Variants in SLC4A10 observed in about 807,000 individuals in gnomAD.
SLC4A10 encodes sodium-driven chloride bicarbonate exchanger.
A neutral mutation model predicts 137.7 loss-of-function variants in SLC4A10; 42 were observed. The observed-to-expected ratio is 0.30, with a 90% CI of 0.24 to 0.39. The LOEUF (loss-of-function observed/expected upper bound fraction) is 0.39. Ranked by LOEUF, SLC4A10 falls within the 10% of genes least tolerant of loss-of-function variation. The probability of loss-of-function intolerance (pLI) is 1.00; values close to 1 mark genes in which losing one functional copy is unlikely to be tolerated. For synonymous variants in SLC4A10, 474 were observed against 464.1 expected, an observed-to-expected ratio of 1.02 and a Z score of -0.27; for missense variants, 925 against 1,355.0, an observed-to-expected ratio of 0.68 and a Z score of 4.98.
intron 15 of SLC4A10, among the ~76,000 whole-genome samples, chr2:161,926,824 G>T (rs1467990970): frequency 7.4e-5 from 11 of 148,810 alleles, no homozygotes; most frequent in African/African-American, 2.7e-4. Flanking sequence ...ATGAAGCTTA[G>T]TTTGGCTGGA....
At chr2:161,963,629 G>A (rs1406259678) in intron 21 of SLC4A10, among the ~76,000 whole-genome samples, 1 of 152,144 alleles carries the variant, frequency 6.6e-6, no homozygotes, top group Non-Finnish European at 1.5e-5. Context: ...AGCTGGATAA[G>A]GGTCTAGAAC....
chr2:161,653,461 C>G (rs1242180313), intron 1 of SLC4A10, among the ~76,000 whole-genome samples: 1 of 152,166 alleles, frequency 6.6e-6, no homozygotes, highest in Non-Finnish European at 1.5e-5. Flanking sequence ...TTTACACTCC[C>G]AACAGTGTAA....
intron 3 of SLC4A10, among the ~76,000 whole-genome samples, chr2:161,809,665 T>C (rs1471442179): frequency 6.6e-6 from 1 of 152,120 alleles, no homozygotes; most frequent in Admixed American, 6.6e-5. Context: ...TTGGTGACTT[T>C]GTTGAAGAGC....
intron 12 of SLC4A10, 41 bp downstream of exon 12, chr2:161,901,052 G>A (rs1016016483): frequency 6.5e-5 from 90 of 1,376,166 alleles, no homozygotes; most frequent in Non-Finnish European, 8.8e-5. Flanking sequence ...AGGACCAAAT[G>A]ACATACCATT....
Position 161,947,722 on chromosome 2 carries a change from A to G in SLC4A10, c.2260A>G (p.Thr754Ala). 6.2e-7 allele frequency: 1 copy of G among 1,611,614 alleles called. No homozygotes were observed. The highest frequency in any genetic ancestry group is 8.5e-7 in the Non-Finnish European group (1 of 1,178,800). The change falls in exon 17 of 27, where the codon ACC (threonine) becomes GCC (alanine). Residue 754 changes from threonine to alanine, a missense_variant. By Grantham distance (58) the Thr-to-Ala change is moderately conservative. Coordinates refer to ENST00000446997, the MANE Select transcript of SLC4A10 (RefSeq NM_001178015.2). Reference protein sequence around the residue: ...KQFKTSRYFPTKVRSIVSDFA... With the variant: ...KQFKTSRYFPAKVRSIVSDFA... ...GTTCAAGACTAGCAGATATTTTCCAACCAAGGTACTTAGACTATTTCTTGA... is the reference window on the plus strand; with the variant it reads ...GTTCAAGACTAGCAGATATTTTCCAGCCAAGGTACTTAGACTATTTCTTGA...
chr2:161,731,275 C>T (rs1224931162), intron 1 of SLC4A10, among the ~76,000 whole-genome samples: 1 of 151,968 alleles, frequency 6.6e-6, no homozygotes, highest in Non-Finnish European at 1.5e-5. Context: ...ATATTTTCCT[C>T]TATTTTTTTA....
intron 4 of SLC4A10, among the ~76,000 whole-genome samples, chr2:161,840,161 C>A (rs959109787): frequency 1.3e-5 from 2 of 152,142 alleles, no homozygotes; most frequent in Non-Finnish European, 2.9e-5. Flanking sequence ...TAAAGATAAA[C>A]AGTAACATAA....
chr2:161,640,657 C>T (rs4107579), intron 1 of SLC4A10, among the ~76,000 whole-genome samples: 14,509 of 61,470 alleles, frequency 0.24, 408 homozygotes, highest in Middle Eastern at 0.32. Flanking sequence ...TCCTTCCTTC[C>T]TTCTTTCTTT....
intron 2 of SLC4A10, among the ~76,000 whole-genome samples, chr2:161,784,503 A>G (rs1370078088): frequency 6.6e-6 from 1 of 151,924 alleles, no homozygotes; most frequent in South Asian, 2.1e-4. Context: ...TTAAGCTGAA[A>G]AGTATGTTTT....
chr2:161,637,111 GTATATATATC>G (rs1277396018), intron 1 of SLC4A10, among the ~76,000 whole-genome samples: 70 of 122,576 alleles, frequency 5.7e-4, no homozygotes, highest in African/African-American at 1.9e-3. Context: ...ACGTATTTAT[GTATATATATC>G]TATATACATA....
At position 161,804,456 on chromosome 2, in the gene SLC4A10, A is replaced by G. The variant is rs2055704215; in HGVS notation, c.138A>G (p.Arg46=). 1 of 1,611,418 alleles carries G rather than the reference A, an allele frequency of 6.2e-7. No homozygotes were observed. The highest frequency in any genetic ancestry group is 1.3e-5 in the African/African-American group (1 of 74,980). Residue 46 remains arginine, a synonymous_variant, in exon 3 of 27, where the codon CGA becomes CGG. Transcript: ENST00000446997. ...HFEKEDLEGH[R]TLFIGVHVPL... is the part of the protein sequence containing the mutation. The stretch of plus-strand genomic sequence containing the variant: ...GTTTGCTTCCTTATGAAGGTCATCG[A>G]ACACTATTTATTGGAGTACATGTGC...
At chr2:161,761,589 A>G (rs1418689691) in intron 1 of SLC4A10, among the ~76,000 whole-genome samples, 8 of 152,072 alleles carry the variant, frequency 5.3e-5, no homozygotes, top group Non-Finnish European at 1.0e-4. Flanking sequence ...ACCAGCAGGC[A>G]AAAATGCAGG....
chr2:161,963,003 C>A (rs1400374843), intron 21 of SLC4A10, among the ~76,000 whole-genome samples: 1 of 152,000 alleles, frequency 6.6e-6, no homozygotes, highest in Non-Finnish European at 1.5e-5. Flanking sequence ...GTAGAGATGG[C>A]ATGAAATAAA....
chr2:161,973,226 G>A (rs1035817161), intron 23 of SLC4A10, among the ~76,000 whole-genome samples: 5 of 152,134 alleles, frequency 3.3e-5, no homozygotes, highest in African/African-American at 1.2e-4. Flanking sequence ...TCTGGGGTTA[G>A]AACCAATAAT....
Position 161,972,969 on chromosome 2 carries a change from T to C in SLC4A10, c.3160-1280T>C, listed in dbSNP as rs565291154. 4.2e-3 allele frequency among the ~76,000 whole-genome samples: 644 copies of C among 152,306 alleles called. 6 individuals are homozygous for C. Among genetic ancestry groups the C allele is most frequent in the African/African-American group, 0.015 (603 of 41,568 alleles). ...GAAATGTGGCATGGAATATTCAGACTATGGGATATCTGAGAGCGGGCCAAG... is the reference window on the plus strand; with the variant it reads ...GAAATGTGGCATGGAATATTCAGACCATGGGATATCTGAGAGCGGGCCAAG... On this transcript the variant is annotated intron_variant, in intron 23 of 26. Coordinates refer to ENST00000446997, the MANE Select transcript of SLC4A10 (RefSeq NM_001178015.2).
chr2:161,729,853 G>A (rs931281221), intron 1 of SLC4A10, among the ~76,000 whole-genome samples: 13 of 152,176 alleles, frequency 8.5e-5, no homozygotes, highest in Non-Finnish European at 1.8e-4. Flanking sequence ...GATGAGAAGT[G>A]ACTTATTTGA....
intron 4 of SLC4A10, among the ~76,000 whole-genome samples, chr2:161,843,589 A>G (rs939861573): frequency 1.3e-5 from 2 of 152,154 alleles, no homozygotes; most frequent in Non-Finnish European, 2.9e-5. Context: ...ATATTTATTG[A>G]GGATTTCGAA....
At chr2:161,652,747 C>A (rs1242066388) in intron 1 of SLC4A10, among the ~76,000 whole-genome samples, 1 of 150,158 alleles carries the variant, frequency 6.7e-6, no homozygotes, top group Non-Finnish European at 1.5e-5. Flanking sequence ...CAGCAACTTT[C>A]CATTTCCCCT....
At chr2:161,871,750 G>C (rs1434992154) in intron 6 of SLC4A10, among the ~76,000 whole-genome samples, 1 of 152,038 alleles carries the variant, frequency 6.6e-6, no homozygotes, top group Admixed American at 6.6e-5. Flanking sequence ...TGAAATAAAG[G>C]TATTTCTAAC....
Sources: gnomAD v4.1 joint callset for allele counts (sites outside exome capture counted in the v4.1 genomes callset) on GRCh38, gnomAD v4.1.1 for gene constraint, MANE v1.5 for transcripts, NCBI Gene and HGNC (gene_info 2026-07-23, HGNC 2026-07-21) for gene names.